The following SLC35B4 variants were observed in gnomAD, a reference collection of about 807,000 sequenced individuals.
SLC35B4 encodes the protein solute carrier family 35 member B4.
SLC35B4 carries 28 observed loss-of-function variants against 39.5 expected under a neutral mutation model. That is an observed-to-expected ratio of 0.71 (90% CI 0.53 to 0.97). SLC35B4 has a LOEUF of 0.97. Ranked by LOEUF, SLC35B4 falls within the 50% of genes least tolerant of loss-of-function variation. The pLI, the probability that SLC35B4 is intolerant of heterozygous loss-of-function variation, is 0.00. For missense variants in SLC35B4, 334 were observed against 414.3 expected (o/e 0.81, Z 1.68); for synonymous variants, 145 against 150.4 (o/e 0.96, Z 0.26).
intron 6 of SLC35B4, 97 bp downstream of exon 6, chr7:134,301,664 T>C: frequency 8.9e-7 from 1 of 1,118,622 alleles, no homozygotes. Flanking sequence ...ATAATTTGTT[T>C]AGCTGAAGCT....
Position 134,294,920 on chromosome 7 carries a change from G to T in SLC35B4, c.909C>A (p.Val303=). 6.2e-7 allele frequency: 1 copy of T among 1,614,136 alleles called. No individual in the cohort carries two copies. ...TLWHWLGTLF[V]FIGTLMYTEV... ...CTGTGTACATTAAGGTCCCAATGAA[G>T]ACAAACAAGGTGCCCAGCCAGTGCC... The change falls in exon 10 of 10, where the codon GTC becomes GTA. Residue 303 remains valine (V), a synonymous_variant. Transcript: ENST00000378509.
chr7:134,311,315 G>A (rs73443155), intron 1 of SLC35B4, among the ~76,000 whole-genome samples: 3,334 of 152,206 alleles, frequency 0.022, 148 homozygotes, highest in African/African-American at 0.077. Context: ...TTCCTAGCAC[G>A]GTGCTTTGGA....
intron 1 of SLC35B4, among the ~76,000 whole-genome samples, chr7:134,315,759 G>A (rs1039819321): frequency 6.6e-6 from 1 of 152,138 alleles, no homozygotes; most frequent in Non-Finnish European, 1.5e-5. Flanking sequence ...AACACTATAG[G>A]TATTGTTTTA....
intron 1 of SLC35B4, among the ~76,000 whole-genome samples, chr7:134,314,634 C>T (rs934745330): frequency 6.6e-6 from 1 of 152,148 alleles, no homozygotes; most frequent in Non-Finnish European, 1.5e-5. Context: ...CTCCCGGGTT[C>T]TAACGATTAT....
intron 6 of SLC35B4, 49 bp downstream of exon 6, chr7:134,301,712 C>G: frequency 6.5e-7 from 1 of 1,548,114 alleles, no homozygotes; most frequent in Non-Finnish European, 8.9e-7. Context: ...GAAAACTCAG[C>G]AAACACAACT....
At chr7:134,296,016 AG>A (rs562179004) in intron 9 of SLC35B4, among the ~76,000 whole-genome samples, 181 of 151,960 alleles carry the variant, frequency 1.2e-3, no homozygotes, top group Non-Finnish European at 2.0e-3. Flanking sequence ...TTTTGTAGAG[AG>A]GGGGTTTCAC....
Position 134,302,227 on chromosome 7 carries a change from A to G in SLC35B4, c.345-117T>C. 4.9e-6 allele frequency: 4 copies of G among 820,408 alleles called. No homozygotes were observed. In the South Asian group the frequency reaches 6.9e-5, roughly 14 times the overall value. 50.8% of individuals were successfully genotyped at this position (820,408 alleles called of 1,614,324 possible). ...TACAAATCACTAAAGTATGACAGAC[A>G]GGATTACTTTCCAGCAGAGTCCACA... On this transcript the variant is annotated intron_variant, in intron 4 of 9. Transcript: ENST00000378509.
In SLC35B4 at chr7:134,296,462, T is replaced by C. The variant is rs1803468569; in HGVS notation, c.678A>G (p.Leu226=). 3.1e-6 allele frequency: 5 copies of C among 1,612,976 alleles called. No individual in the cohort carries two copies. Among genetic ancestry groups the C allele is most frequent in the Admixed American group, 1.7e-5 (1 of 59,976 alleles). The change falls in exon 9 of 10, where the codon TTA becomes TTG. Residue 226 remains leucine, a synonymous_variant. Coordinates refer to ENST00000378509, the MANE Select transcript of SLC35B4 (RefSeq NM_032826.5). ...TCACTCCGATGACGGGAATTTCATA[T>C]AACTCTGTAGAGGTTACAAGAGGAT... ...DHAVLFNKSE[L]YEIPVIGVTL...
rs199884316 is a variant in SLC35B4 at position 134,309,321 on chromosome 7, T to C, written c.191+45A>G. On this transcript the variant is annotated intron_variant, in intron 2 of 9. Transcript: ENST00000378509. ...TTTATACAGGTACCACCTCTTTACT[T>C]TCTTAAAAAATCCAAAAGCTAAAAG... is the stretch of plus-strand genomic sequence containing the variant. 3.2e-6 allele frequency: 4 copies of C among 1,265,046 alleles called. No homozygotes were observed. The East Asian group carries it at 1.0e-4, about 32-fold the overall frequency. The allele number at this position is 1,265,046 out of a possible 1,614,324, so 78.4% of individuals were successfully genotyped here.
At chr7:134,307,518 AG>A (rs1292176535) in intron 2 of SLC35B4, among the ~76,000 whole-genome samples, 4 of 152,236 alleles carry the variant, frequency 2.6e-5, no homozygotes, top group Non-Finnish European at 5.9e-5. Flanking sequence ...CCGTTTTTAT[AG>A]GTCAAAAAGA....
chr7:134,302,168 C>T (rs1803597347), intron 4 of SLC35B4, 58 bp from the exon 5 acceptor site: 1 of 1,411,932 alleles, frequency 7.1e-7, no homozygotes, highest in Non-Finnish European at 9.9e-7. Context: ...TATGAATTTC[C>T]CAGTGATATT....
At position 134,293,082 on chromosome 7, in the gene SLC35B4, G is replaced by A. The variant is rs1018351347; in HGVS notation, c.*1751C>T. On this transcript the variant is annotated 3_prime_UTR_variant, in exon 10 of 10. Coordinates refer to ENST00000378509, the MANE Select transcript of SLC35B4 (RefSeq NM_032826.5). ...CATACCACACCATGGAATGAGCCCA[G>A]GAGACCTGCAGAGCCACGTCTCAGT... 6.6e-6 allele frequency: 1 copy of A among 152,160 alleles called. No homozygotes were observed. The highest frequency in any genetic ancestry group is 2.4e-5 in the African/African-American group (1 of 41,384). The allele number at this position is 152,160 out of a possible 1,614,324, so 9.4% of individuals were successfully genotyped here. A position where few individuals can be genotyped will look rare whatever the true frequency, so the allele number is the denominator to read the frequency against.
intron 1 of SLC35B4, among the ~76,000 whole-genome samples, chr7:134,316,082 C>T (rs752927408): frequency 3.9e-5 from 6 of 152,110 alleles, no homozygotes; most frequent in Admixed American, 1.3e-4. Flanking sequence ...TCTACCGCAT[C>T]ATTTATGTAT....
Position 134,302,119 on chromosome 7 carries a change from A to T in SLC35B4, c.345-9T>A. The T allele has an allele frequency of 6.2e-7, 1 of 1,600,724 alleles. No homozygotes were observed. Among genetic ancestry groups the T allele is most frequent in the Non-Finnish European group, 8.5e-7 (1 of 1,175,262 alleles). On this transcript the variant is annotated splice_polypyrimidine_tract_variant and intron_variant, in intron 4 of 9. Coordinates refer to ENST00000378509, the MANE Select transcript of SLC35B4 (RefSeq NM_032826.5). The stretch of plus-strand genomic sequence containing the variant: ...ATTTGAATATACTGTATCTGCAAAA[A>T]AGAAAAAAAAGAAGAAAAACACCTT...
Position 134,296,470 on chromosome 7 carries a change from T to TAC in SLC35B4, c.674-5_674-4insGT. 1.2e-6 allele frequency: 2 copies of TAC among 1,610,390 alleles called. No individual in the cohort carries two copies. The highest frequency in any genetic ancestry group is 2.2e-5 in the South Asian group (2 of 90,632). On this transcript the variant is annotated splice_polypyrimidine_tract_variant and splice_region_variant and intron_variant, in intron 8 of 9. Transcript: ENST00000378509. ...ATGACGGGAATTTCATATAACTCTG[T>TAC]AGAGGTTACAAGAGGATATAGCCAT...
rs987509325 is a variant in SLC35B4 at position 134,289,382 on chromosome 7, T to G, written c.*5451A>C. 6.6e-6 allele frequency: 1 copy of G among 152,624 alleles called. No individual in the cohort carries two copies. Among genetic ancestry groups the G allele is most frequent in the Non-Finnish European group, 1.5e-5 (1 of 68,042 alleles). 9.5% of individuals were successfully genotyped at this position (152,624 alleles called of 1,614,324 possible). On this transcript the variant is annotated 3_prime_UTR_variant, in exon 10 of 10. Transcript: ENST00000378509. ...ACAAAATCTCCCATTCCTCCTTAACTCTCTGCTCAAATAACTCTTAAGGCT... is the reference window on the plus strand; with the variant it reads ...ACAAAATCTCCCATTCCTCCTTAACGCTCTGCTCAAATAACTCTTAAGGCT...
intron 1 of SLC35B4, among the ~76,000 whole-genome samples, chr7:134,312,076 C>G (rs1037711389): frequency 6.6e-6 from 1 of 152,082 alleles, no homozygotes; most frequent in Non-Finnish European, 1.5e-5. Context: ...AATGAGCCAT[C>G]CCTGAAAAGC....
intron 1 of SLC35B4, among the ~76,000 whole-genome samples, chr7:134,314,169 A>G (rs1270120464): frequency 2.0e-5 from 3 of 152,230 alleles, no homozygotes; most frequent in Non-Finnish European, 4.4e-5. Context: ...TAAAAAAGAA[A>G]TATATCTTTC....
chr7:134,319,323 G>T (rs1804060135), upstream of SLC35B4, among the ~76,000 whole-genome samples: 1 of 152,188 alleles, frequency 6.6e-6, no homozygotes, highest in African/African-American at 2.4e-5. Flanking sequence ...ATATAACACA[G>T]TCTCACCTTA....
Sources: gnomAD v4.1 joint callset for allele counts (sites outside exome capture counted in the v4.1 genomes callset) on GRCh38, gnomAD v4.1.1 for gene constraint, MANE v1.5 for transcripts, NCBI Gene and HGNC (gene_info 2026-07-23, HGNC 2026-07-21) for gene names.